Variants in OR1I1 observed in about 807,000 individuals in gnomAD.
OR1I1 encodes the protein olfactory receptor family 1 subfamily I member 1, also known as olfactory receptor 1I1.
For synonymous variants in OR1I1, 171 were observed against 181.4 expected (o/e 0.94, Z 0.46); for missense variants, 451 against 443.6 (o/e 1.02, Z -0.15).
intron 1 of OR1I1, among the ~76,000 whole-genome samples, chr19:15,084,037 G>A (rs766326214): frequency 2.0e-5 from 3 of 152,142 alleles, no homozygotes; most frequent in Admixed American, 6.6e-5. Context: ...TCCCTTGCAC[G>A]TGTTGACAGC....
rs902871286 is a variant in OR1I1 at position 15,089,498 on chromosome 19, T to A, written c.*1365T>A. ...TGGCCCGGGGCACTTAAAAAGTTAGTGTTATGGGTTGAACTGTGGCTCCCA... is the reference window on the plus strand; with the variant it reads ...TGGCCCGGGGCACTTAAAAAGTTAGAGTTATGGGTTGAACTGTGGCTCCCA... On this transcript the variant is annotated 3_prime_UTR_variant, in exon 2 of 2. Transcript: ENST00000641398. The A allele has an allele frequency of 3.3e-5, 5 of 151,838 alleles. No individual in the cohort carries two copies. The highest frequency in any genetic ancestry group is 1.2e-4 in the African/African-American group (5 of 41,252). The allele number at this position is 151,838 out of a possible 1,614,324, so 9.4% of individuals were successfully genotyped here.
At position 15,088,806 on chromosome 19, in the gene OR1I1, T is replaced by TAGATAGATAGATAGACAGAC. The variant is rs1568323054; in HGVS notation, c.*688_*689insCAGACAGATAGATAGATAGA. Reference sequence around the variant, plus strand: ...ATAGATAGATAGATAGATAGATAGATAGATAGATAGATAGATATACAGATA... The same window carrying TAGATAGATAGATAGACAGAC: ...ATAGATAGATAGATAGATAGATAGATAGATAGATAGATAGACAGACAGATAGATAGATAGATATACAGATA... On this transcript the variant is annotated 3_prime_UTR_variant, in exon 2 of 2. Transcript: ENST00000641398. 11 of 121,930 alleles carry TAGATAGATAGATAGACAGAC rather than the reference T, an allele frequency of 9.0e-5. No homozygotes were observed. The highest frequency in any genetic ancestry group is 2.8e-4 in the East Asian group (1 of 3,558). 7.6% of individuals were successfully genotyped at this position (121,930 alleles called of 1,614,324 possible).
At chr19:15,086,644 C>T (rs933609812) in intron 1 of OR1I1, among the ~76,000 whole-genome samples, 5 of 151,700 alleles carry the variant, frequency 3.3e-5, no homozygotes, top group Admixed American at 2.0e-4. Flanking sequence ...TTAGTAGAGA[C>T]GGGGATTCAC....
In OR1I1 at chr19:15,087,191, T is replaced by C. The variant is rs540266771; in HGVS notation, c.126T>C (p.Asn42=). Residue 42 remains asparagine, a synonymous_variant, in exon 2 of 2, where the codon AAT becomes AAC. Coordinates refer to ENST00000641398, the MANE Select transcript of OR1I1 (RefSeq NM_001004713.2). ...LSTYLVTIIG[N]ALIILAIITD... ...CATACCTGGTCACCATCATTGGAAA[T>C]GCCCTCATTATCCTGGCCATCATCA... 1.9e-6 allele frequency: 3 copies of C among 1,614,104 alleles called. No individual in the cohort carries two copies. The highest frequency in any genetic ancestry group is 1.6e-4 in the Middle Eastern group (1 of 6,062).
In OR1I1 at chr19:15,087,481, C is replaced by G. The variant is rs8104843; in HGVS notation, c.416C>G (p.Pro139Arg). The G allele has an allele frequency of 0.83, 1,335,110 of 1,613,942 alleles. 560,834 individuals carry two copies. Among genetic ancestry groups the G allele is most frequent in the South Asian group, 0.89 (80,629 of 91,080 alleles). Residue 139 changes from proline to arginine, a missense_variant, in exon 2 of 2, where the codon CCT (proline) becomes CGT (arginine). By Grantham distance (103) the Pro-to-Arg change is moderately radical (BLOSUM62 -2). Transcript: ENST00000641398. ...CGTTACTTGGTTCTCATGTGCTCCC[C>G]TGTCTGTGGGCTGCTGCTGGGAGCA... ...PQRYLVLMCS[P>R]VCGLLLGASW...
chr19:15,087,947 C>A lies in OR1I1; in HGVS notation c.882C>A (p.Asn294Lys), dbSNP rs2046238425. 6.2e-7 allele frequency: 1 copy of A among 1,614,036 alleles called. No individual in the cohort carries two copies. Among genetic ancestry groups the A allele is most frequent in the Non-Finnish European group, 8.5e-7 (1 of 1,179,920 alleles). The change falls in exon 2 of 2, where the codon AAC (asparagine) becomes AAA (lysine). Residue 294 changes from asparagine to lysine, a missense_variant. By Grantham distance (94) the Asn-to-Lys change is moderately conservative. Coordinates refer to ENST00000641398, the MANE Select transcript of OR1I1 (RefSeq NM_001004713.2). ...MLNPFIYSIRNKDMKAALGKL... is the reference protein window; with the variant it reads ...MLNPFIYSIRKKDMKAALGKL... ...ACCCCTTTATCTACAGCATACGGAA[C>A]AAGGATATGAAGGCAGCCCTGGGGA...
chr19:15,085,149 TATATATATATATATATATA>T (rs2046223824), intron 1 of OR1I1, among the ~76,000 whole-genome samples: 3 of 34,548 alleles, frequency 8.7e-5, no homozygotes, highest in Admixed American at 5.8e-4. Flanking sequence ...TATATATATA[TATATATATATATATATATA>T]TATATATATT....
chr19:15,083,396 C>T (rs1018436062), intron 1 of OR1I1, among the ~76,000 whole-genome samples: 1 of 152,094 alleles, frequency 6.6e-6, no homozygotes, highest in African/African-American at 2.4e-5. Context: ...ATGCCTGGCC[C>T]GCTTTTTGTG....
rs1277713250 is a variant in OR1I1 at position 15,087,791 on chromosome 19, C to T, written c.726C>T (p.Gly242=). 2 of 1,614,072 alleles carry T rather than the reference C, an allele frequency of 1.2e-6. No homozygotes were observed. The highest frequency in any genetic ancestry group is 1.7e-6 in the Non-Finnish European group (2 of 1,179,884). Reference sequence around the variant, plus strand: ...AGTGGAAAGCCTTCTCCACCTGTGGCTTACACCTCACTGTGGTGTCACTGT... The same window carrying T: ...AGTGGAAAGCCTTCTCCACCTGTGGTTTACACCTCACTGTGGTGTCACTGT... ...RGKWKAFSTC[G]LHLTVVSLSY... Residue 242 remains glycine (G), a synonymous_variant, in exon 2 of 2, where the codon GGC becomes GGT. Transcript: ENST00000641398.
rs7255422 is a variant in OR1I1, at chr19:15,089,354, G to A, written c.*1221G>A. On this transcript the variant is annotated 3_prime_UTR_variant, in exon 2 of 2. Transcript: ENST00000641398. ...CTCTGATGCAGACGGTCCATCAATC[G>A]TAGTTTGGGAACACAGACCCTAGCC... 0.56 allele frequency: 84,349 copies of A among 151,908 alleles called. 25,439 individuals are homozygous for A. Among genetic ancestry groups the A allele is most frequent in the Non-Finnish European group, 0.68 (46,480 of 67,966 alleles). 9.4% of individuals were successfully genotyped at this position (151,908 alleles called of 1,614,324 possible). A position where few individuals can be genotyped will look rare whatever the true frequency, so the allele number is the denominator to read the frequency against.
Position 15,088,839 on chromosome 19 carries a change from A to G in OR1I1, c.*706A>G, listed in dbSNP as rs2046244532. 1 of 151,980 alleles carries G rather than the reference A, an allele frequency of 6.6e-6. No individual in the cohort carries two copies. The highest frequency in any genetic ancestry group is 1.5e-5 in the Non-Finnish European group (1 of 68,072). The allele number at this position is 151,980 out of a possible 1,614,324, so 9.4% of individuals were successfully genotyped here. On this transcript the variant is annotated 3_prime_UTR_variant, in exon 2 of 2. Coordinates refer to ENST00000641398, the MANE Select transcript of OR1I1 (RefSeq NM_001004713.2). Reference sequence around the variant, plus strand: ...TAGATAGATATACAGATAGATACATAGATAGATAGGATAGATAGGTAGGTA... The same window carrying G: ...TAGATAGATATACAGATAGATACATGGATAGATAGGATAGATAGGTAGGTA...
In OR1I1 at chr19:15,088,253, A is replaced by G. The variant is rs1208507671; in HGVS notation, c.*120A>G. ...CTTCCCCAAAAAGATCAGAATAGCAAGGATCAAACTGGCCTGAAATTAGCC... is the reference window on the plus strand; with the variant it reads ...CTTCCCCAAAAAGATCAGAATAGCAGGGATCAAACTGGCCTGAAATTAGCC... On this transcript the variant is annotated 3_prime_UTR_variant, in exon 2 of 2. Transcript: ENST00000641398. The G allele has an allele frequency of 5.5e-6, 7 of 1,279,964 alleles. No individual in the cohort carries two copies. Among genetic ancestry groups the G allele is most frequent in the Non-Finnish European group, 7.3e-6 (7 of 954,908 alleles). The allele number at this position is 1,279,964 out of a possible 1,614,324, so 79.3% of individuals were successfully genotyped here.
At position 15,089,270 on chromosome 19, in the gene OR1I1, GC is replaced by G. The variant is rs2046247390; in HGVS notation, c.*1138del. 6.6e-6 allele frequency: 1 copy of G among 152,144 alleles called. No homozygotes were observed. The highest frequency in any genetic ancestry group is 2.1e-4 in the South Asian group (1 of 4,832). The allele number at this position is 152,144 out of a possible 1,614,324, so 9.4% of individuals were successfully genotyped here. ...ACTTGTAACTATGACTGTGGTTGGG[GC>G]TTACTTTCTCAATTCCCAACAGGCT... On this transcript the variant is annotated 3_prime_UTR_variant, in exon 2 of 2. Coordinates refer to ENST00000641398, the MANE Select transcript of OR1I1 (RefSeq NM_001004713.2).
In OR1I1 at chr19:15,087,420, G is replaced by A. The variant is rs779516294; in HGVS notation, c.355G>A (p.Ala119Thr). The change falls in exon 2 of 2, where the codon GCC (alanine) becomes ACC (threonine). Residue 119 changes from alanine (A) to threonine (T), a missense_variant. Transcript: ENST00000641398. ...GGACAGCTTTCTCCTGGCAGTAATG[G>A]CCATCGACCGCTTCGTGGCCATTGT... Reference protein sequence around the residue: ...TMDSFLLAVMAIDRFVAIVHP... With the variant: ...TMDSFLLAVMTIDRFVAIVHP... 2.5e-6 allele frequency: 4 copies of A among 1,614,086 alleles called. No individual in the cohort carries two copies. In the South Asian group the frequency reaches 3.3e-5, roughly 13 times the overall value.
rs1264941424 is a variant in OR1I1 at position 15,089,550 on chromosome 19, C to T, written c.*1417C>T. On this transcript the variant is annotated 3_prime_UTR_variant, in exon 2 of 2. Coordinates refer to ENST00000641398, the MANE Select transcript of OR1I1 (RefSeq NM_001004713.2). ...AAAAAGATACGTGGGAGGCCAGGCG[C>T]AGTGGCTCACACCTGTAAACTCTGG... 1 of 152,126 alleles carries T rather than the reference C, an allele frequency of 6.6e-6. No homozygotes were observed. The highest frequency in any genetic ancestry group is 2.4e-5 in the African/African-American group (1 of 41,402). 9.4% of individuals were successfully genotyped at this position (152,126 alleles called of 1,614,324 possible). A position where few individuals can be genotyped will look rare whatever the true frequency, so the allele number is the denominator to read the frequency against.
At position 15,087,357 on chromosome 19, in the gene OR1I1, C is replaced by G; in HGVS notation, c.292C>G (p.Leu98Val). The part of the protein sequence containing the change: ...QSRAIPFVGC[L>V]TQMYAFHLFG... ...CAGAGCCATCCCCTTTGTGGGCTGCCTCACCCAGATGTATGCCTTCCACCT... is the reference window on the plus strand; with the variant it reads ...CAGAGCCATCCCCTTTGTGGGCTGCGTCACCCAGATGTATGCCTTCCACCT... The change falls in exon 2 of 2, where the codon CTC becomes GTC. Residue 98 changes from leucine to valine, a missense_variant. Coordinates refer to ENST00000641398, the MANE Select transcript of OR1I1 (RefSeq NM_001004713.2). 1 of 1,614,188 alleles carries G rather than the reference C, an allele frequency of 6.2e-7. No individual in the cohort carries two copies. Among genetic ancestry groups the G allele is most frequent in the East Asian group, 2.2e-5 (1 of 44,878 alleles).
At position 15,090,885 on chromosome 19, in the gene OR1I1, C is replaced by T. The variant is rs1276021129; in HGVS notation, c.*2752C>T. 2 of 152,212 alleles carry T rather than the reference C, an allele frequency of 1.3e-5. No individual in the cohort carries two copies. The highest frequency in any genetic ancestry group is 6.5e-5 in the Admixed American group (1 of 15,268). The allele number at this position is 152,212 out of a possible 1,614,324, so 9.4% of individuals were successfully genotyped here. A position where few individuals can be genotyped will look rare whatever the true frequency, so the allele number is the denominator to read the frequency against. On this transcript the variant is annotated 3_prime_UTR_variant, in exon 2 of 2. Coordinates refer to ENST00000641398, the MANE Select transcript of OR1I1 (RefSeq NM_001004713.2). ...GATTGCAGGTGTAAACCACCACACT[C>T]GGCCTGATTTGTGGTACTTTGTTGC...
Position 15,087,269 on chromosome 19 carries a change from C to T in OR1I1, c.204C>T (p.Leu68=), listed in dbSNP as rs761625249. Residue 68 remains leucine (L), a synonymous_variant, in exon 2 of 2, where the codon CTC becomes CTT. Coordinates refer to ENST00000641398, the MANE Select transcript of OR1I1 (RefSeq NM_001004713.2). The part of the protein sequence containing the change: ...PMYFFLFNLS[L]VDTLLSSTTV... ...ACTTCTTTCTCTTCAACCTCTCACT[C>T]GTTGACACCCTATTATCCTCCACCA... 72 of 1,614,150 alleles carry T rather than the reference C, an allele frequency of 4.5e-5. No individual in the cohort carries two copies. Among genetic ancestry groups the T allele is most frequent in the Non-Finnish European group, 4.0e-5 (47 of 1,180,018 alleles).
intron 1 of OR1I1, among the ~76,000 whole-genome samples, chr19:15,086,529 C>T (rs895113169): frequency 6.0e-5 from 9 of 151,144 alleles, no homozygotes; most frequent in African/African-American, 9.7e-5. Context: ...TCTCTGCTCG[C>T]TGCAAACTTT....
Sources: gnomAD v4.1 joint callset for allele counts (sites outside exome capture counted in the v4.1 genomes callset) on GRCh38, gnomAD v4.1.1 for gene constraint, MANE v1.5 for transcripts, NCBI Gene and HGNC (gene_info 2026-07-23, HGNC 2026-07-21) for gene names.